The following SMARCA2 variants were observed in gnomAD, a reference collection of about 807,000 sequenced individuals.
SMARCA2 encodes the protein SWI/SNF related BAF chromatin remodeling complex subunit ATPase 2.
A neutral mutation model predicts 199.8 loss-of-function variants in SMARCA2; 61 were observed. That is an observed-to-expected ratio of 0.31 (90% CI 0.25 to 0.38). The LOEUF is 0.38. Among genes scored for constraint, SMARCA2 ranks in the 10% least tolerant of loss-of-function variants. The pLI is 1.00. For synonymous variants in SMARCA2, 935 were observed against 732.0 expected, an observed-to-expected ratio of 1.28 and a Z score of -4.48; for missense variants, 1,344 against 2,012.2, an observed-to-expected ratio of 0.67 and a Z score of 6.35.
intron 1 of SMARCA2, among the ~76,000 whole-genome samples, chr9:2,023,695 A>G (rs1189135795): frequency 6.6e-6 from 1 of 152,196 alleles, no homozygotes; most frequent in African/African-American, 2.4e-5. Flanking sequence ...TATTTCCTTT[A>G]TCTGCATTGC....
At chr9:2,125,679 G>A (rs1157418965) in intron 27 of SMARCA2, among the ~76,000 whole-genome samples, 1 of 151,914 alleles carries the variant, frequency 6.6e-6, no homozygotes, top group African/African-American at 2.4e-5. Flanking sequence ...TAGTAGAGAC[G>A]GGGTTTCACC....
At chr9:2,191,980 G>A (rs1370892559) in intron 33 of SMARCA2, 1 of 153,666 alleles carries the variant, frequency 6.5e-6, no homozygotes, top group African/African-American at 2.4e-5. Flanking sequence ...GGCATCGTGA[G>A]ATAGATGTCA....
intron 9 of SMARCA2, among the ~76,000 whole-genome samples, chr9:2,069,558 C>CA (rs561673372): frequency 0.021 from 2,024 of 94,458 alleles, 32 homozygotes; most frequent in African/African-American, 0.059. Flanking sequence ...GACTCTGTCT[C>CA]AAAAAAAAAA....
At chr9:2,054,173 T>G (rs939983002) in intron 5 of SMARCA2, among the ~76,000 whole-genome samples, 1 of 152,230 alleles carries the variant, frequency 6.6e-6, no homozygotes, top group African/African-American at 2.4e-5. Context: ...ATGGTCTGGT[T>G]GCCTTAGGAC....
At chr9:2,050,058 A>T (rs1329017769) in intron 5 of SMARCA2, among the ~76,000 whole-genome samples, 1 of 152,214 alleles carries the variant, frequency 6.6e-6, no homozygotes, top group Non-Finnish European at 1.5e-5. Flanking sequence ...AGTTTTCAGC[A>T]TCTTAAATTT....
At chr9:2,077,969 C>T (rs1279314149) in intron 14 of SMARCA2, among the ~76,000 whole-genome samples, 193 bp downstream of exon 14, 1 of 152,162 alleles carries the variant, frequency 6.6e-6, no homozygotes, top group African/African-American at 2.4e-5. Context: ...TTTACTAGGG[C>T]ATGCCATACC....
intron 4 of SMARCA2, chr9:2,044,947 C>T (rs113187969): frequency 6.6e-6 from 1 of 152,152 alleles, no homozygotes; most frequent in African/African-American, 2.4e-5. Flanking sequence ...AGACTAGATT[C>T]TGGACCAGAG....
intron 2 of SMARCA2, 81 bp from the exon 3 acceptor site, chr9:2,032,871 C>T: frequency 3.7e-6 from 5 of 1,339,854 alleles, no homozygotes; most frequent in Non-Finnish European, 5.2e-6. Flanking sequence ...TTTTAAAGAA[C>T]TTAGGAAGGG....
At chr9:2,049,035 G>A (rs1239245714) in intron 5 of SMARCA2, among the ~76,000 whole-genome samples, 1 of 152,016 alleles carries the variant, frequency 6.6e-6, no homozygotes, top group Admixed American at 6.6e-5. Flanking sequence ...CCTACCCTAG[G>A]AAAGGAAAAA....
intron 27 of SMARCA2, chr9:2,160,462 G>C (rs1372102618): frequency 1.8e-6 from 1 of 562,346 alleles, no homozygotes; most frequent in Non-Finnish European, 3.2e-6. Flanking sequence ...GTTGTTTTGT[G>C]TTCTGCACCA....
chr9:2,033,557 G>C (rs1294158690), intron 3 of SMARCA2, among the ~76,000 whole-genome samples: 1 of 152,222 alleles, frequency 6.6e-6, no homozygotes, highest in Non-Finnish European at 1.5e-5. Flanking sequence ...CTTATCCATT[G>C]TCTATAAGGC....
chr9:2,039,793 A>AGCC lies in SMARCA2; in HGVS notation c.685_686insCGC (p.Gln228_Gln229insPro), dbSNP rs751906633. On this transcript the variant is annotated inframe_insertion, in exon 4 of 34. Coordinates refer to ENST00000349721, the MANE Select transcript of SMARCA2 (RefSeq NM_003070.5). This position sits in a 1 kb window ranked among gnomAD's most constrained non-coding sequence, Gnocchi z 4.8. Reference sequence around the variant, plus strand: ...CAGCAGCAACAGCAGCAGCAGCAGCAGCAGCAGCAGCAGCAGCAGCAGCAA... The same window carrying AGCC: ...CAGCAGCAACAGCAGCAGCAGCAGCAGCCGCAGCAGCAGCAGCAGCAGCAGCAA... 2,575 of 1,595,842 alleles carry AGCC rather than the reference A, an allele frequency of 1.6e-3. 31 individuals are homozygous for AGCC. In the African/African-American group the frequency reaches 0.032, roughly 20 times the overall value.
intron 9 of SMARCA2, among the ~76,000 whole-genome samples, chr9:2,068,712 A>G (rs1189050468): frequency 1.3e-5 from 2 of 152,154 alleles, no homozygotes; most frequent in Non-Finnish European, 1.5e-5. Context: ...TGGCAAAGGA[A>G]ATGACTAAAG....
chr9:2,172,738 CCTG>C (rs1826324957), intron 29 of SMARCA2, among the ~76,000 whole-genome samples: 1 of 152,080 alleles, frequency 6.6e-6, no homozygotes, highest in Non-Finnish European at 1.5e-5. Context: ...GGAGAGCACA[CCTG>C]AGTTCTGGGC....
chr9:2,041,006 T>A (rs1449829255), intron 4 of SMARCA2: 1 of 203,284 alleles, frequency 4.9e-6, no homozygotes. Context: ...CCATTTCCTC[T>A]GAGTGGTTTC....
intron 27 of SMARCA2, among the ~76,000 whole-genome samples, chr9:2,155,059 G>T (rs1345991411): frequency 6.6e-5 from 10 of 152,140 alleles, no homozygotes; most frequent in African/African-American, 1.9e-4. Flanking sequence ...CTACCCCAGG[G>T]AGCTGAGCAT....
intron 14 of SMARCA2, among the ~76,000 whole-genome samples, chr9:2,079,507 T>C (rs2130454262): frequency 6.6e-6 from 1 of 152,358 alleles, no homozygotes; most frequent in East Asian, 1.9e-4. Flanking sequence ...CTACCAATGC[T>C]TTTGCATCAT....
chr9:2,155,470 A>C (rs535922953), intron 27 of SMARCA2, among the ~76,000 whole-genome samples: 2 of 151,984 alleles, frequency 1.3e-5, no homozygotes, highest in African/African-American at 4.8e-5. Flanking sequence ...TTTAGTAGAG[A>C]TGGTGTTTCA....
chr9:2,070,113 G>C (rs1821026831), intron 9 of SMARCA2, among the ~76,000 whole-genome samples: 1 of 152,226 alleles, frequency 6.6e-6, no homozygotes, highest in Admixed American at 6.5e-5. Flanking sequence ...GAACATTTCA[G>C]ATTCTGACCA....
Sources: allele counts gnomAD v4.1 joint callset (sites outside exome capture counted in the v4.1 genomes callset), GRCh38; gene constraint gnomAD v4.1.1; non-coding constraint Gnocchi (gnomAD v3.1); transcripts MANE v1.5; gene names NCBI Gene and HGNC (gene_info 2026-07-23, HGNC 2026-07-21).